The following KYAT1 variants were observed in gnomAD, a reference collection of about 807,000 sequenced individuals.
KYAT1 encodes the protein kynurenine aminotransferase 1.
In KYAT1, 47 loss-of-function variants were observed where a neutral mutation model predicts 52.4. That is an observed-to-expected ratio of 0.90 (90% CI 0.71 to 1.14). The LOEUF (loss-of-function observed/expected upper bound fraction) is 1.14, where lower values mean the gene tolerates loss of function less well. Among genes scored for constraint, KYAT1 ranks in the 50% most tolerant of loss-of-function variants. The pLI is 0.00. For synonymous variants in KYAT1, 212 were observed against 209.6 expected (o/e 1.01, Z -0.10); for missense variants, 480 against 557.9 (o/e 0.86, Z 1.41).
At position 128,836,796 on chromosome 9, in the gene KYAT1, G is replaced by A. The variant is rs763112043; in HGVS notation, c.688+6C>T. ...AGGGGAGGGGCCCCAGGCTGGCTTG[G>A]CTCACCAATGCTGATGTGCTGGTGC... On this transcript the variant is annotated splice_donor_region_variant and intron_variant, in intron 7 of 12. Coordinates refer to ENST00000302586, the MANE Select transcript of KYAT1 (RefSeq NM_004059.5). 3.7e-6 allele frequency: 6 copies of A among 1,612,372 alleles called. No individual in the cohort carries two copies. In the East Asian group the frequency reaches 1.3e-4, roughly 36 times the overall value.
At chr9:128,849,393 A>G (rs940817985) in intron 1 of KYAT1, among the ~76,000 whole-genome samples, 4 of 117,596 alleles carry the variant, frequency 3.4e-5, no homozygotes, top group African/African-American at 6.6e-5. Flanking sequence ...GCTGGGTGAC[A>G]GAGCAAGTCA....
In KYAT1 at chr9:128,833,336, CAA is replaced by C; in HGVS notation, c.*246_*247del. ...AGACCAGAAGCAACACAAGACCCTA[CAA>C]ACCCACCTATGGAGGGGCAGGGAGA... On this transcript the variant is annotated 3_prime_UTR_variant, in exon 13 of 13. Coordinates refer to ENST00000302586, the MANE Select transcript of KYAT1 (RefSeq NM_004059.5). 1 of 598,108 alleles carries C rather than the reference CAA, an allele frequency of 1.7e-6. No individual in the cohort carries two copies. Among genetic ancestry groups the C allele is most frequent in the Non-Finnish European group, 3.0e-6 (1 of 337,174 alleles). 37.1% of individuals were successfully genotyped at this position (598,108 alleles called of 1,614,324 possible).
intron 1 of KYAT1, among the ~76,000 whole-genome samples, chr9:128,849,212 T>C (rs1019978537): frequency 2.7e-5 from 4 of 149,862 alleles, no homozygotes; most frequent in African/African-American, 4.9e-5. Context: ...AGGAGTTCGA[T>C]ACCAGCCTGG....
chr9:128,838,455 G>A, intron 3 of KYAT1, 88 bp from the exon 4 acceptor site: 23 of 1,526,604 alleles, frequency 1.5e-5, no homozygotes, highest in Non-Finnish European at 2.0e-5. Flanking sequence ...GCACCTTCCA[G>A]CAGCAGGCCT....
At chr9:128,880,367 C>G (rs572343491) in intron 1 of KYAT1, among the ~76,000 whole-genome samples, 1 of 151,982 alleles carries the variant, frequency 6.6e-6, no homozygotes. Context: ...ATCTCAGTGG[C>G]GAGGGATAAG....
At chr9:128,880,904 T>A (rs1838765235) in intron 1 of KYAT1, among the ~76,000 whole-genome samples, 1 of 152,174 alleles carries the variant, frequency 6.6e-6, no homozygotes, top group South Asian at 2.1e-4. Flanking sequence ...TAATTATCTA[T>A]CTGTGCACAT....
chr9:128,864,648 G>A (rs1012108968), intron 1 of KYAT1, among the ~76,000 whole-genome samples: 5 of 151,790 alleles, frequency 3.3e-5, no homozygotes, highest in East Asian at 2.0e-4. Flanking sequence ...GTGCTCTGTC[G>A]CCCAGGCTGA....
intron 1 of KYAT1, among the ~76,000 whole-genome samples, chr9:128,881,154 C>T (rs1315719459): frequency 6.6e-6 from 1 of 152,144 alleles, no homozygotes; most frequent in Non-Finnish European, 1.5e-5. Context: ...GATCTCGGCT[C>T]ACTGCAAGCT....
chr9:128,857,244 T>C (rs982502025), intron 1 of KYAT1, among the ~76,000 whole-genome samples: 2 of 152,204 alleles, frequency 1.3e-5, no homozygotes, highest in Non-Finnish European at 1.5e-5. Flanking sequence ...GCTCTCCTAC[T>C]GCATTCCTCT....
chr9:128,860,710 A>G (rs1293332478), intron 1 of KYAT1, among the ~76,000 whole-genome samples: 2 of 151,840 alleles, frequency 1.3e-5, no homozygotes, highest in East Asian at 1.9e-4. Flanking sequence ...TTACAGTCGC[A>G]TTCCACCATG....
At chr9:128,865,393 G>A (rs1434018709) in intron 1 of KYAT1, among the ~76,000 whole-genome samples, 5 of 87,200 alleles carry the variant, frequency 5.7e-5, no homozygotes, top group South Asian at 3.8e-4. Context: ...ACAGAGTTTC[G>A]CTCTTGTTGC....
At chr9:128,851,720 A>G (rs1833975917) in intron 1 of KYAT1, among the ~76,000 whole-genome samples, 2 of 152,262 alleles carry the variant, frequency 1.3e-5, no homozygotes, top group Non-Finnish European at 2.9e-5. Flanking sequence ...ATTGTGAAGA[A>G]GAGGCAGAGA....
At chr9:128,838,664 C>G (rs768284526) in intron 3 of KYAT1, among the ~76,000 whole-genome samples, 2 of 152,222 alleles carry the variant, frequency 1.3e-5, no homozygotes, top group Non-Finnish European at 2.9e-5. Context: ...TGGTCCCAGA[C>G]TCCAGGGTGC....
Position 128,838,064 on chromosome 9 carries a change from A to C in KYAT1, c.425T>G (p.Val142Gly). Residue 142 changes from valine to glycine, a missense_variant, in exon 5 of 13, where the codon GTG (valine) becomes GGG (glycine). By Grantham distance (109) the Val-to-Gly change is moderately radical. Transcript: ENST00000302586. ...TMMAGGRPVF[V>G]SLKPGPIQNG... ...TAGCATCCTTACCGGCTTCAGGGACACAAACACAGGACGACCCCCTGCCAT... is the reference window on the plus strand; with the variant it reads ...TAGCATCCTTACCGGCTTCAGGGACCCAAACACAGGACGACCCCCTGCCAT... 6.2e-7 allele frequency: 1 copy of C among 1,614,126 alleles called. No homozygotes were observed. Among genetic ancestry groups the C allele is most frequent in the Non-Finnish European group, 8.5e-7 (1 of 1,180,012 alleles).
chr9:128,881,651 G>A (rs1313784502), intron 1 of KYAT1, among the ~76,000 whole-genome samples: 1 of 152,098 alleles, frequency 6.6e-6, no homozygotes, highest in African/African-American at 2.4e-5. Context: ...ATCTCCACCG[G>A]CGCGGTCGTG....
chr9:128,833,773 G>C lies in KYAT1; in HGVS notation c.1176C>G (p.His392Gln), dbSNP rs1830518714. ...AACAGAAGCGGATATAGTGGTCAAA[G>C]TGCTTCTGATGTGGCACACTATAGA... ...SIFYSVPHQK[H>Q]FDHYIRFCFV... Residue 392 changes from histidine (H) to glutamine (Q), a missense_variant, in exon 12 of 13, where the codon CAC becomes CAG. Coordinates refer to ENST00000302586, the MANE Select transcript of KYAT1 (RefSeq NM_004059.5). 3.1e-6 allele frequency: 5 copies of C among 1,614,132 alleles called. No homozygotes were observed. Among genetic ancestry groups the C allele is most frequent in the Admixed American group, 1.7e-5 (1 of 60,012 alleles).
chr9:128,834,532 A>G (rs558460278), intron 11 of KYAT1, among the ~76,000 whole-genome samples: 410 of 152,002 alleles, frequency 2.7e-3, no homozygotes, highest in Non-Finnish European at 4.5e-3. Flanking sequence ...AGTTAGAAAC[A>G]GGTTCCTCAG....
intron 1 of KYAT1, among the ~76,000 whole-genome samples, chr9:128,849,227 C>G (rs1435567419): frequency 6.6e-6 from 1 of 150,516 alleles, no homozygotes; most frequent in Non-Finnish European, 1.5e-5. Flanking sequence ...GCCTGGTCAA[C>G]ATGGTGAAAC....
At position 128,836,906 on chromosome 9, in the gene KYAT1, T is replaced by C; in HGVS notation, c.584A>G (p.Glu195Gly). Residue 195 changes from glutamate (E) to glycine (G), a missense_variant, in exon 7 of 13, where the codon GAG becomes GGG. Coordinates refer to ENST00000302586, the MANE Select transcript of KYAT1 (RefSeq NM_004059.5). ...GCAAAGGCTGGCCACCAGCTCCAGC[T>C]CTTCCCTGGAGAACACCTGCAGATG... is the stretch of plus-strand genomic sequence containing the variant. ...NPLGKVFSRE[E>G]LELVASLCQQ... 1 of 1,613,082 alleles carries C rather than the reference T, an allele frequency of 6.2e-7. No homozygotes were observed. The highest frequency in any genetic ancestry group is 8.5e-7 in the Non-Finnish European group (1 of 1,179,854).
Sources: gnomAD v4.1 joint callset for allele counts (sites outside exome capture counted in the v4.1 genomes callset) on GRCh38, gnomAD v4.1.1 for gene constraint, MANE v1.5 for transcripts, NCBI Gene and HGNC (gene_info 2026-07-23, HGNC 2026-07-21) for gene names.